MGAT1: variants seen among roughly 807,000 people sequenced by gnomAD.
MGAT1 encodes N-glycosyl-oligosaccharide-glycoprotein N-acetylglucosaminyltransferase I.
In MGAT1, 14 loss-of-function variants were observed where a neutral mutation model predicts 31.7. That is an observed-to-expected ratio of 0.44 (90% CI 0.29 to 0.69). The LOEUF (loss-of-function observed/expected upper bound fraction) is 0.69, where lower values mean the gene tolerates loss of function less well. MGAT1 is among the 30% of genes least tolerant of loss of function. The pLI is 0.12. For missense variants in MGAT1, 557 were observed against 626.0 expected, an observed-to-expected ratio of 0.89 and a Z score of 1.18; for synonymous variants, 338 against 276.0, an observed-to-expected ratio of 1.22 and a Z score of -2.23.
At chr5:180,814,561 C>T (rs1390233286) in intron 1 of MGAT1, among the ~76,000 whole-genome samples, 3 of 152,174 alleles carry the variant, frequency 2.0e-5, no homozygotes, top group South Asian at 2.1e-4. Flanking sequence ...CACTTTCTTT[C>T]GAGATGATCC....
rs967474668 is a variant in MGAT1 at position 180,787,537 on chromosome 5, T to A, written c.*4097A>T. 3 of 152,258 alleles carry A rather than the reference T, an allele frequency of 2.0e-5. No homozygotes were observed. Among genetic ancestry groups the A allele is most frequent in the African/African-American group, 7.2e-5 (3 of 41,462 alleles). 9.4% of individuals were successfully genotyped at this position (152,258 alleles called of 1,614,324 possible). A position where few individuals can be genotyped will look rare whatever the true frequency, so the allele number is the denominator to read the frequency against. On this transcript the variant is annotated 3_prime_UTR_variant, in exon 2 of 2. Transcript: ENST00000307826. ...TGGTAAATGTTTTATCTATGCATAT[T>A]ATGTATAGATGTGAGGAAGACGTCT...
chr5:180,793,244 C>T, intron 1 of MGAT1, 147 bp from the exon 2 acceptor site: 1 of 491,166 alleles, frequency 2.0e-6, no homozygotes, highest in Non-Finnish European at 3.6e-6. Context: ...AGGGAGTCAA[C>T]ATATATCCTG....
rs1434457098 is a variant in MGAT1, at chr5:180,812,036, C to T, written c.-545-2970G>A. On this transcript the variant is annotated intron_variant, in intron 1 of 2. Coordinates refer to the MGAT1 transcript ENST00000333055. ...TGCTAGTCTCCCTTGGCCTGCTCCA[C>T]TTTTCCCAGGACGCTCACCACTTCC... Among the ~76,000 whole-genome samples the T allele has an allele frequency of 2.6e-5, 4 of 152,238 alleles. No individual in the cohort carries two copies. In the East Asian group the frequency reaches 7.7e-4, roughly 29 times the overall value.
At chr5:180,799,452 G>A (rs1394221756) in intron 1 of MGAT1, among the ~76,000 whole-genome samples, 1 of 152,032 alleles carries the variant, frequency 6.6e-6, no homozygotes, top group Non-Finnish European at 1.5e-5. Context: ...ACAGAGCCAG[G>A]CCTCCCTATG....
upstream of MGAT1, chr5:180,803,457 T>G (rs1229602210): frequency 6.6e-6 from 1 of 152,466 alleles, no homozygotes; most frequent in Non-Finnish European, 1.5e-5. Context: ...TCACAAGCTT[T>G]GGCGGAAGCA....
rs1772689892 is a variant in MGAT1, at chr5:180,813,399, T to A, written c.-546+2015A>T. Among the ~76,000 whole-genome samples the A allele has an allele frequency of 2.0e-5, 3 of 152,236 alleles. No individual in the cohort carries two copies. The South Asian group carries it at 6.2e-4, about 32-fold the overall frequency. On this transcript the variant is annotated intron_variant, in intron 1 of 2. Transcript: ENST00000333055. Reference sequence around the variant, plus strand: ...TTGGATTCATCTTTGTCTTATTCATTTGCAAGAACTCTTTATAGAATATCA... The same window carrying A: ...TTGGATTCATCTTTGTCTTATTCATATGCAAGAACTCTTTATAGAATATCA...
At chr5:180,814,930 G>C (rs1441471883) in intron 1 of MGAT1, among the ~76,000 whole-genome samples, 1 of 147,208 alleles carries the variant, frequency 6.8e-6, no homozygotes, top group Non-Finnish European at 1.5e-5. Flanking sequence ...GACAGAGTGA[G>C]ACTCTGTCTC....
At chr5:180,806,768 T>C (rs894595234), upstream of MGAT1, among the ~76,000 whole-genome samples, 10 of 152,308 alleles carry the variant, frequency 6.6e-5, no homozygotes, top group African/African-American at 2.2e-4. Context: ...GATCACGTGA[T>C]AGAAGCATTA....
upstream of MGAT1, among the ~76,000 whole-genome samples, chr5:180,807,382 G>A (rs555989040): frequency 9.9e-5 from 15 of 152,132 alleles, no homozygotes; most frequent in African/African-American, 3.6e-4. Context: ...TCTTGGCACA[G>A]GTAAATTGGA....
chr5:180,813,756 C>A lies in MGAT1; in HGVS notation c.-546+1658G>T, dbSNP rs182884715. On this transcript the variant is annotated intron_variant, in intron 1 of 2. Coordinates refer to the MGAT1 transcript ENST00000333055. ...GGACCCCTCTTTCCTATGGAAGCCT[C>A]GCATCTCCATCAGAAGCAGCAGTAA... Among the ~76,000 whole-genome samples the A allele has an allele frequency of 5.2e-3, 789 of 152,290 alleles. 19 individuals carry two copies. Among genetic ancestry groups the A allele is most frequent in the Admixed American group, 0.034 (525 of 15,302 alleles).
Position 180,788,104 on chromosome 5 carries a change from G to GACT in MGAT1, c.*3527_*3529dup, listed in dbSNP as rs1205704154. 61 of 153,060 alleles carry GACT rather than the reference G, an allele frequency of 4.0e-4. No individual in the cohort carries two copies. Among genetic ancestry groups the GACT allele is most frequent in the East Asian group, 3.8e-4 (2 of 5,198 alleles). The allele number at this position is 153,060 out of a possible 1,614,324, so 9.5% of individuals were successfully genotyped here. A position where few individuals can be genotyped will look rare whatever the true frequency, so the allele number is the denominator to read the frequency against. Reference sequence around the variant, plus strand: ...GAGGCTGGCTGAACTCTACAGCATTGACTAACACGGGGCTTTTCCATCTGG... The same window carrying GACT: ...GAGGCTGGCTGAACTCTACAGCATTGACTACTAACACGGGGCTTTTCCATCTGG... On this transcript the variant is annotated 3_prime_UTR_variant, in exon 2 of 2. Transcript: ENST00000307826.
Position 180,792,724 on chromosome 5 carries a change from C to CG in MGAT1, c.247dup (p.Arg83ProfsTer32). On this transcript the variant is annotated frameshift_variant, in exon 2 of 2. Coordinates refer to ENST00000307826, the MANE Select transcript of MGAT1 (RefSeq NM_002406.4). LOFTEE classifies it high-confidence loss of function. ...AGGGGCCGCGGTGGGCACCCTCCCC[C>CG]GCTGGCTCGACAGGGCATCCCCGAT... is the stretch of plus-strand genomic sequence containing the variant. 6.5e-7 allele frequency: 1 copy of CG among 1,546,704 alleles called. No homozygotes were observed. Among genetic ancestry groups the CG allele is most frequent in the Non-Finnish European group, 8.7e-7 (1 of 1,147,194 alleles).
chr5:180,812,587 T>C (rs965597288), intron 1 of MGAT1, among the ~76,000 whole-genome samples: 15 of 152,074 alleles, frequency 9.9e-5, no homozygotes, highest in Middle Eastern at 3.4e-3. Context: ...CACACACACA[T>C]ACATAACAGG....
rs1767679114 is a variant in MGAT1 at position 180,787,833 on chromosome 5, T to C, written c.*3801A>G. On this transcript the variant is annotated 3_prime_UTR_variant, in exon 2 of 2. Coordinates refer to ENST00000307826, the MANE Select transcript of MGAT1 (RefSeq NM_002406.4). Reference sequence around the variant, plus strand: ...CCTTGGCCAGACTCCATCAGACATTTGTCTCCACTGGGGGCGACTTGATCC... The same window carrying C: ...CCTTGGCCAGACTCCATCAGACATTCGTCTCCACTGGGGGCGACTTGATCC... 1 of 152,308 alleles carries C rather than the reference T, an allele frequency of 6.6e-6. No individual in the cohort carries two copies. Among genetic ancestry groups the C allele is most frequent in the Admixed American group, 6.5e-5 (1 of 15,286 alleles). 9.4% of individuals were successfully genotyped at this position (152,308 alleles called of 1,614,324 possible).
chr5:180,802,358 C>T (rs1561861784), intron 1 of MGAT1, among the ~76,000 whole-genome samples: 1 of 152,186 alleles, frequency 6.6e-6, no homozygotes, highest in Non-Finnish European at 1.5e-5. Flanking sequence ...ACTCCCCAAT[C>T]CCACCCCCTC....
chr5:180,786,627 A>G lies in MGAT1; in HGVS notation c.*5007T>C, dbSNP rs1317778827. 1 of 152,360 alleles carries G rather than the reference A, an allele frequency of 6.6e-6. No individual in the cohort carries two copies. The highest frequency in any genetic ancestry group is 1.5e-5 in the Non-Finnish European group (1 of 68,278). The allele number at this position is 152,360 out of a possible 1,614,324, so 9.4% of individuals were successfully genotyped here. ...AGGAGGCAGCTGCCATCCACCCTTTACCTTCTTCCTTCCTCCTTCTTCCTA... is the reference window on the plus strand; with the variant it reads ...AGGAGGCAGCTGCCATCCACCCTTTGCCTTCTTCCTTCCTCCTTCTTCCTA... On this transcript the variant is annotated 3_prime_UTR_variant, in exon 2 of 2. Transcript: ENST00000307826.
Position 180,792,520 on chromosome 5 carries a change from G to A in MGAT1, c.452C>T (p.Ala151Val). The A allele has an allele frequency of 3.1e-6, 5 of 1,613,014 alleles. No individual in the cohort carries two copies. The highest frequency in any genetic ancestry group is 4.2e-6 in the Non-Finnish European group (5 of 1,179,874). The change falls in exon 2 of 2, where the codon GCC becomes GTC. Residue 151 changes from alanine (A) to valine (V), a missense_variant. By Grantham distance (64) the Ala-to-Val change is moderately conservative. Coordinates refer to ENST00000307826, the MANE Select transcript of MGAT1 (RefSeq NM_002406.4). ...GACCGCGCTGCCGTAGGAGGCGATG[G>A]CCTGGGCCGTCTCCTCGTGCCCGCA... ...QDCGHEETAQ[A>V]IASYGSAVTH... is the part of the protein sequence containing the mutation.
At chr5:180,802,566 T>C (rs1771073928) in intron 1 of MGAT1, 114 bp downstream of exon 1, 1 of 152,214 alleles carries the variant, frequency 6.6e-6, no homozygotes, top group Non-Finnish European at 1.5e-5. Flanking sequence ...AAGCCCCCTC[T>C]CGCTAGCACT....
chr5:180,792,068 C>A lies in MGAT1; in HGVS notation c.904G>T (p.Ala302Ser), dbSNP rs1768224708. 2 of 1,612,902 alleles carry A rather than the reference C, an allele frequency of 1.2e-6. No homozygotes were observed. Among genetic ancestry groups the A allele is most frequent in the Non-Finnish European group, 1.7e-6 (2 of 1,179,854 alleles). Residue 302 changes from alanine to serine, a missense_variant, in exon 2 of 2, where the codon GCC (alanine) becomes TCC (serine). Ala to Ser is a moderately conservative substitution (Grantham distance 99). This residue lies in a region of MGAT1 where 245 missense variants were observed against 332.9 expected (regional missense o/e 0.74). Coordinates refer to ENST00000307826, the MANE Select transcript of MGAT1 (RefSeq NM_002406.4). The part of the protein sequence containing the change: ...MRRPEQRQGR[A>S]CIRPEISRTM... ...CTTGAGATCTCAGGGCGTATGCAGGCCCGCCCCTGCCGCTGCTCCGGCCGC... is the reference window on the plus strand; with the variant it reads ...CTTGAGATCTCAGGGCGTATGCAGGACCGCCCCTGCCGCTGCTCCGGCCGC...
Sources: gnomAD v4.1 joint callset for allele counts (sites outside exome capture counted in the v4.1 genomes callset) on GRCh38, gnomAD v4.1.1 for gene constraint, gnomAD v4.1.1 regional missense constraint, MANE v1.5 for transcripts, NCBI Gene and HGNC (gene_info 2026-07-23, HGNC 2026-07-21) for gene names.